The following CRADD variants were observed in gnomAD, a reference collection of about 807,000 sequenced individuals.
CRADD encodes death domain-containing protein CRADD.
CRADD carries 9 observed loss-of-function variants against 15.5 expected under a neutral mutation model. The ratio of observed to expected loss-of-function variants is 0.58; its 90% CI spans 0.35 to 1.01. The LOEUF is 1.01. CRADD is among the 50% of genes least tolerant of loss of function. The probability of loss-of-function intolerance (pLI) is 0.02; values close to 1 mark genes in which losing one functional copy is unlikely to be tolerated. For synonymous variants in CRADD, 118 were observed against 107.6 expected (o/e 1.10, Z -0.60); for missense variants, 227 against 250.3 (o/e 0.91, Z 0.63).
At chr12:93,777,729 A>G (rs1957155601) in intron 2 of CRADD, among the ~76,000 whole-genome samples, 1 of 152,244 alleles carries the variant, frequency 6.6e-6, no homozygotes, top group Non-Finnish European at 1.5e-5. Context: ...GCTCAACGGA[A>G]TGAGGGTTAA....
chr12:93,846,248 CG>C (rs1958114446), intron 2 of CRADD, among the ~76,000 whole-genome samples: 1 of 152,184 alleles, frequency 6.6e-6, no homozygotes, highest in Non-Finnish European at 1.5e-5. Flanking sequence ...CATAGGTGTA[CG>C]AATTTCTCTT....
intron 2 of CRADD, among the ~76,000 whole-genome samples, chr12:93,686,304 C>CAAAAAAAAAAAAAAAAAAAAAAAAAA (rs59096792): frequency 1.5e-5 from 1 of 65,984 alleles, no homozygotes; most frequent in Non-Finnish European, 2.7e-5. Flanking sequence ...CCATCCCCCC[C>CAAAAAAAAAAAAAAAAAAAAAAAAAA]AAAAAAAAAA....
downstream of CRADD, among the ~76,000 whole-genome samples, chr12:93,855,241 A>T (rs1351793550): frequency 6.6e-6 from 1 of 152,070 alleles, no homozygotes; most frequent in Non-Finnish European, 1.5e-5. Flanking sequence ...GCTGTTGGAC[A>T]CACAGACACA....
chr12:93,880,874 G>C (rs1019762988), intron 2 of CRADD, among the ~76,000 whole-genome samples: 1 of 152,144 alleles, frequency 6.6e-6, no homozygotes, highest in Non-Finnish European at 1.5e-5. Flanking sequence ...CCTCACTCTG[G>C]TTTCAGTAGA....
rs767511821 is a variant in CRADD at position 93,678,813 on chromosome 12, C to G, written c.39C>G (p.Arg13=). 8.1e-6 allele frequency: 13 copies of G among 1,614,010 alleles called. No individual in the cohort carries two copies. The highest frequency in any genetic ancestry group is 1.1e-5 in the Non-Finnish European group (13 of 1,180,034). The change falls in exon 2 of 3, where the codon CGC becomes CGG. Residue 13 remains arginine, a synonymous_variant. Transcript: ENST00000332896. The part of the protein sequence containing the change: ...ARDKQVLRSL[R]LELGAEVLVE... The stretch of plus-strand genomic sequence containing the variant: ...ACAAACAAGTACTCCGCTCACTTCG[C>G]CTGGAGCTGGGTGCAGAGGTATTGG...
intron 2 of CRADD, among the ~76,000 whole-genome samples, chr12:93,806,559 C>T (rs563595307): frequency 6.4e-4 from 98 of 152,000 alleles, no homozygotes; most frequent in Non-Finnish European, 1.1e-3. Context: ...GTTCCCTACC[C>T]ACTTAAGCTT....
At chr12:93,857,039 T>G (rs1016021445) in intron 2 of CRADD, among the ~76,000 whole-genome samples, 2 of 152,208 alleles carry the variant, frequency 1.3e-5, no homozygotes, top group African/African-American at 4.8e-5. Context: ...AATTAAGCCT[T>G]GTCTATTAAA....
chr12:93,889,804 C>G (rs1482142948), intron 2 of CRADD, among the ~76,000 whole-genome samples: 1 of 152,126 alleles, frequency 6.6e-6, no homozygotes, highest in Non-Finnish European at 1.5e-5. Flanking sequence ...CTGCTGACCC[C>G]GGAAATCATG....
At chr12:93,777,278 T>C (rs1475713819) in intron 2 of CRADD, among the ~76,000 whole-genome samples, 2 of 152,162 alleles carry the variant, frequency 1.3e-5, no homozygotes, top group Non-Finnish European at 2.9e-5. Context: ...CCTAACAGAA[T>C]AGAGACAAGA....
intron 2 of CRADD, among the ~76,000 whole-genome samples, chr12:93,828,361 G>C (rs959433342): frequency 2.6e-5 from 4 of 152,126 alleles, no homozygotes; most frequent in Admixed American, 2.0e-4. Context: ...CTTTTAGTAT[G>C]GTGCCATTTT....
At chr12:93,697,558 G>A (rs73359671) in intron 2 of CRADD, among the ~76,000 whole-genome samples, 2,674 of 152,194 alleles carry the variant, frequency 0.018, 70 homozygotes, top group African/African-American at 0.058. Context: ...TGTTATACAC[G>A]ATAAACGTGT....
At chr12:93,825,224 C>T (rs959995370) in intron 2 of CRADD, among the ~76,000 whole-genome samples, 1 of 152,186 alleles carries the variant, frequency 6.6e-6, no homozygotes, top group African/African-American at 2.4e-5. Context: ...AATCCTCTTT[C>T]TCACTCAAGA....
chr12:93,863,586 G>C (rs1958335258), intron 2 of CRADD, among the ~76,000 whole-genome samples: 1 of 144,726 alleles, frequency 6.9e-6, no homozygotes, highest in East Asian at 2.2e-4. Flanking sequence ...TTGAAAATGT[G>C]TGGAGGCATT....
At chr12:93,752,887 G>A (rs1042430450) in intron 2 of CRADD, among the ~76,000 whole-genome samples, 2 of 152,188 alleles carry the variant, frequency 1.3e-5, no homozygotes, top group East Asian at 1.9e-4. Flanking sequence ...AATCACAGTC[G>A]AAGGTGAAAG....
At chr12:93,893,131 T>C (rs1211357174) in intron 2 of CRADD, among the ~76,000 whole-genome samples, 1 of 152,190 alleles carries the variant, frequency 6.6e-6, no homozygotes, top group Admixed American at 6.5e-5. Context: ...TTTCTGCCAG[T>C]GTGAACAGGA....
intron 2 of CRADD, among the ~76,000 whole-genome samples, chr12:93,751,120 G>A (rs1050719740): frequency 2.0e-5 from 3 of 152,132 alleles, no homozygotes; most frequent in Admixed American, 6.5e-5. Context: ...TGCTTCTTTT[G>A]CTTAAAAAAA....
intron 2 of CRADD, among the ~76,000 whole-genome samples, chr12:93,763,300 A>C (rs1388223917): frequency 2.0e-5 from 3 of 152,186 alleles, no homozygotes; most frequent in Non-Finnish European, 4.4e-5. Flanking sequence ...ATGGCTTTAC[A>C]TACTGAGTCC....
At chr12:93,717,319 T>G (rs61928992) in intron 2 of CRADD, among the ~76,000 whole-genome samples, 5,695 of 152,254 alleles carry the variant, frequency 0.037, 169 homozygotes, top group South Asian at 0.066. Context: ...CTAGTCTAAC[T>G]CATCTTCTCA....
At chr12:93,890,517 C>T (rs1958568516) in intron 2 of CRADD, among the ~76,000 whole-genome samples, 1 of 152,142 alleles carries the variant, frequency 6.6e-6, no homozygotes, top group Admixed American at 6.5e-5. Flanking sequence ...CAGTTTGGGA[C>T]CTCTGTCCGT....
Sources: allele counts gnomAD v4.1 joint callset (sites outside exome capture counted in the v4.1 genomes callset), GRCh38; gene constraint gnomAD v4.1.1; transcripts MANE v1.5; gene names NCBI Gene and HGNC (gene_info 2026-07-23, HGNC 2026-07-21).